The following ATRNL1 variants were observed in gnomAD, a reference collection of about 807,000 sequenced individuals.
The protein encoded by ATRNL1 is attractin like 1.
Under a neutral mutation model 182.7 loss-of-function variants are expected in ATRNL1, and 95 were observed. The ratio of observed to expected loss-of-function variants is 0.52; its 90% CI spans 0.44 to 0.62. The LOEUF (loss-of-function observed/expected upper bound fraction) is 0.62. Ranked by LOEUF, ATRNL1 falls within the 20% of genes least tolerant of loss-of-function variation. The probability of loss-of-function intolerance (pLI) is 0.00; values close to 1 mark genes in which losing one functional copy is unlikely to be tolerated. For missense variants in ATRNL1, 1,471 were observed against 1,679.5 expected (o/e 0.88, Z 2.17); for synonymous variants, 576 against 568.3 (o/e 1.01, Z -0.19).
intron 8 of ATRNL1, among the ~76,000 whole-genome samples, chr10:115,183,193 C>T (rs1427560815): frequency 4.6e-5 from 7 of 151,118 alleles, no homozygotes; most frequent in Non-Finnish European, 1.0e-4. Context: ...AAAAGCAACA[C>T]ATATAAAGAT....
intron 9 of ATRNL1, among the ~76,000 whole-genome samples, chr10:115,231,318 A>G (rs1461793641): frequency 6.6e-6 from 1 of 152,166 alleles, no homozygotes; most frequent in Non-Finnish European, 1.5e-5. Flanking sequence ...ATGAGGATTG[A>G]GTAATGGTCA....
chr10:115,536,853 C>A (rs1446369870), intron 25 of ATRNL1, among the ~76,000 whole-genome samples: 1 of 152,100 alleles, frequency 6.6e-6, no homozygotes, highest in East Asian at 1.9e-4. Flanking sequence ...AAAGGTGAAC[C>A]TAATTTAGTC....
intron 27 of ATRNL1, among the ~76,000 whole-genome samples, chr10:115,791,013 G>T (rs886372895): frequency 6.6e-6 from 1 of 152,122 alleles, no homozygotes; most frequent in East Asian, 1.9e-4. Flanking sequence ...TCCATCAGTG[G>T]TAATTAGAAT....
intron 26 of ATRNL1, among the ~76,000 whole-genome samples, chr10:115,686,780 A>G (rs1017413128): frequency 6.6e-6 from 1 of 152,064 alleles, no homozygotes; most frequent in Non-Finnish European, 1.5e-5. Flanking sequence ...CATTACATCT[A>G]TTACAAAACT....
intron 8 of ATRNL1, among the ~76,000 whole-genome samples, chr10:115,186,998 G>GATGTATGA (rs1284101117): frequency 6.6e-6 from 1 of 151,894 alleles, no homozygotes; most frequent in Non-Finnish European, 1.5e-5. Context: ...ATGGCCAACA[G>GATGTATGA]ATGTATGAAA....
intron 27 of ATRNL1, among the ~76,000 whole-genome samples, chr10:115,756,117 G>A (rs782147207): frequency 1.3e-5 from 2 of 152,030 alleles, no homozygotes; most frequent in Non-Finnish European, 2.9e-5. Flanking sequence ...CAAAAAACCA[G>A]CTCCTCGATT....
At position 115,714,518 on chromosome 10, in the gene ATRNL1, G is replaced by A. The variant is rs534537186; in HGVS notation, c.3796-12730G>A. On this transcript the variant is annotated intron_variant, in intron 26 of 28. Coordinates refer to ENST00000355044, the MANE Select transcript of ATRNL1 (RefSeq NM_207303.4). Reference sequence around the variant, plus strand: ...ACAGGCCTGTCAAAGGTTCTGCCAGGCGGCCCATTTTACTTGGCTATCTCA... The same window carrying A: ...ACAGGCCTGTCAAAGGTTCTGCCAGACGGCCCATTTTACTTGGCTATCTCA... Among the ~76,000 whole-genome samples the A allele has an allele frequency of 8.4e-4, 128 of 152,202 alleles. 1 individual carries two copies. Among genetic ancestry groups the A allele is most frequent in the Non-Finnish European group, 1.6e-3 (109 of 68,028 alleles).
At chr10:115,918,309 G>A (rs1481753152) in intron 28 of ATRNL1, among the ~76,000 whole-genome samples, 2 of 152,014 alleles carry the variant, frequency 1.3e-5, no homozygotes, top group Admixed American at 6.6e-5. Context: ...CACCATGTTG[G>A]CCGGGCTGGT....
chr10:115,247,886 G>A (rs1850712808), intron 10 of ATRNL1, among the ~76,000 whole-genome samples: 1 of 152,130 alleles, frequency 6.6e-6, no homozygotes, highest in Admixed American at 6.5e-5. Context: ...GGATGGAACT[G>A]GAAGACATTA....
At chr10:115,598,797 T>A (rs1347820403) in intron 26 of ATRNL1, among the ~76,000 whole-genome samples, 1 of 152,116 alleles carries the variant, frequency 6.6e-6, no homozygotes, top group Non-Finnish European at 1.5e-5. Context: ...CATACCTGAT[T>A]CCCATATTTA....
chr10:115,300,140 C>T lies in ATRNL1; in HGVS notation c.2522C>T (p.Pro841Leu). The T allele has an allele frequency of 5.0e-6, 8 of 1,614,056 alleles. No homozygotes were observed. Among genetic ancestry groups the T allele is most frequent in the Non-Finnish European group, 6.8e-6 (8 of 1,179,940 alleles). ...ACACTACAGTGGCTTCCTGGCGAAC[C>T]CAATGATTCTGGGTTTTGTGCATAT... ...NTTLQWLPGE[P>L]NDSGFCAYLE... The change falls in exon 16 of 29, where the codon CCC becomes CTC. Residue 841 changes from proline to leucine, a missense_variant. Pro to Leu is a moderately conservative substitution (Grantham distance 98). Transcript: ENST00000355044.
chr10:115,112,120 G>T (rs2143539550), intron 1 of ATRNL1, among the ~76,000 whole-genome samples: 1 of 151,990 alleles, frequency 6.6e-6, no homozygotes, highest in African/African-American at 2.4e-5. Context: ...TCTATATGTA[G>T]AAAACTAGAA....
intron 22 of ATRNL1, among the ~76,000 whole-genome samples, chr10:115,466,257 T>C (rs1440989868): frequency 6.6e-6 from 1 of 151,370 alleles, no homozygotes; most frequent in Non-Finnish European, 1.5e-5. Flanking sequence ...TTTAGAAAAA[T>C]AGTAAAACGA....
chr10:115,460,526 G>A (rs1554969531), intron 21 of ATRNL1, among the ~76,000 whole-genome samples: 3 of 151,960 alleles, frequency 2.0e-5, no homozygotes, highest in Admixed American at 1.3e-4. Flanking sequence ...CACTTCCTGT[G>A]GCCTTCACTG....
chr10:115,727,382 C>G (rs1555060576), intron 27 of ATRNL1, 27 bp downstream of exon 27: 1 of 1,543,366 alleles, frequency 6.5e-7, no homozygotes, highest in South Asian at 1.1e-5. Context: ...TGAAAGAGGA[C>G]CACTGTGCTT....
chr10:115,191,678 A>G (rs1258327214), intron 8 of ATRNL1, among the ~76,000 whole-genome samples: 12 of 151,944 alleles, frequency 7.9e-5, no homozygotes, highest in Admixed American at 7.9e-4. Context: ...TGATGGTTTT[A>G]TAAGTATTTC....
At chr10:115,312,727 A>C (rs76643627) in intron 17 of ATRNL1, among the ~76,000 whole-genome samples, 1,965 of 152,022 alleles carry the variant, frequency 0.013, 38 homozygotes, top group African/African-American at 0.044. Flanking sequence ...TCTTTCTTTT[A>C]CCTCAGGAAC....
At chr10:115,845,872 T>C (rs1252070931) in intron 27 of ATRNL1, among the ~76,000 whole-genome samples, 3 of 152,098 alleles carry the variant, frequency 2.0e-5, no homozygotes, top group African/African-American at 7.2e-5. Context: ...TTATTTTATG[T>C]TCTGTTAGTA....
At chr10:115,243,316 CTT>C (rs1257942484) in intron 10 of ATRNL1, among the ~76,000 whole-genome samples, 1 of 151,824 alleles carries the variant, frequency 6.6e-6, no homozygotes, top group Non-Finnish European at 1.5e-5. Flanking sequence ...TGTCAAAAAA[CTT>C]AAGTGAAAAA....
Sources: gnomAD v4.1 joint callset for allele counts (sites outside exome capture counted in the v4.1 genomes callset) on GRCh38, gnomAD v4.1.1 for gene constraint, MANE v1.5 for transcripts, NCBI Gene and HGNC (gene_info 2026-07-23, HGNC 2026-07-21) for gene names.